Variants in ESCO1 observed in about 807,000 individuals in gnomAD.
The protein encoded by ESCO1 is N-acetyltransferase ESCO1.
In ESCO1, 33 loss-of-function variants were observed where a neutral mutation model predicts 83.5. That is an observed-to-expected ratio of 0.40 (90% CI 0.30 to 0.53). The LOEUF is 0.53. Among genes scored for constraint, ESCO1 ranks in the 20% least tolerant of loss-of-function variants. ESCO1 has a pLI of 0.63. For missense variants in ESCO1, 855 were observed against 968.0 expected (o/e 0.88, Z 1.55); for synonymous variants, 332 against 324.3 (o/e 1.02, Z -0.25).
rs530674515 is a variant in ESCO1, at chr18:21,575,761, A to G, written c.-677T>C. ...AAACCATTCCTTCTAATATGCTCTT[A>G]ACACATCACACAGCACCTGAAAGAA... On this transcript the variant is annotated 5_prime_UTR_variant, in exon 3 of 12. An upstream open reading frame in the 5' UTR loses its in-frame stop. Coordinates refer to ENST00000269214, the MANE Select transcript of ESCO1 (RefSeq NM_052911.3). The G allele has an allele frequency of 9.3e-4, 370 of 398,274 alleles. 1 individual carries two copies. The highest frequency in any genetic ancestry group is 1.4e-3 in the Non-Finnish European group (323 of 225,868). The allele number at this position is 398,274 out of a possible 1,614,324, so 24.7% of individuals were successfully genotyped here.
intron 5 of ESCO1, among the ~76,000 whole-genome samples, chr18:21,567,610 G>A (rs1273716114): frequency 6.6e-6 from 1 of 152,068 alleles, no homozygotes; most frequent in Non-Finnish European, 1.5e-5. Context: ...GAGTAAATAA[G>A]GGTTAAAGAT....
chr18:21,560,539 A>G (rs1424789537), intron 8 of ESCO1, among the ~76,000 whole-genome samples: 2 of 152,114 alleles, frequency 1.3e-5, no homozygotes, highest in Non-Finnish European at 2.9e-5. Flanking sequence ...TCAATAGTAA[A>G]TAATTATTGA....
chr18:21,578,269 C>T (rs1243516497), intron 2 of ESCO1, among the ~76,000 whole-genome samples: 2 of 151,982 alleles, frequency 1.3e-5, no homozygotes, highest in African/African-American at 4.8e-5. Context: ...AACAGATATA[C>T]AAGAACAGCA....
Position 21,573,731 on chromosome 18 carries a change from T to A in ESCO1, c.1113A>T (p.Thr371=). ...QCNRFFPSRK[T]KPVKCILNGI... is the part of the protein sequence containing the mutation. The stretch of plus-strand genomic sequence containing the variant: ...CATTTAGTATACATTTCACAGGCTT[T>A]GTTTTTCTACTTGGGAAAAAACGAT... The change falls in exon 4 of 12, where the codon ACA becomes ACT. Residue 371 remains threonine, a synonymous_variant. Coordinates refer to ENST00000269214, the MANE Select transcript of ESCO1 (RefSeq NM_052911.3). 1 of 1,614,198 alleles carries A rather than the reference T, an allele frequency of 6.2e-7. No homozygotes were observed. Among genetic ancestry groups the A allele is most frequent in the Non-Finnish European group, 8.5e-7 (1 of 1,180,028 alleles).
intron 8 of ESCO1, among the ~76,000 whole-genome samples, chr18:21,544,343 A>G (rs528287276): frequency 1.4e-4 from 22 of 152,180 alleles, no homozygotes. Context: ...ATGGTGGCTC[A>G]CACCTGTAAT....
intron 1 of ESCO1, among the ~76,000 whole-genome samples, chr18:21,597,741 CCT>C (rs1337977723): frequency 1.3e-5 from 2 of 151,952 alleles, no homozygotes; most frequent in South Asian, 2.1e-4. Flanking sequence ...TTTAATTTAC[CCT>C]CTGAGTTTTT....
intron 6 of ESCO1, among the ~76,000 whole-genome samples, chr18:21,565,508 A>T (rs1392336680): frequency 6.6e-6 from 1 of 152,246 alleles, no homozygotes; most frequent in African/African-American, 2.4e-5. Flanking sequence ...ACAAGTAAGC[A>T]AAGATACATG....
chr18:21,557,393 T>C (rs1248172457), intron 8 of ESCO1, among the ~76,000 whole-genome samples: 2 of 152,138 alleles, frequency 1.3e-5, no homozygotes, highest in East Asian at 1.9e-4. Flanking sequence ...TAGATGACTA[T>C]CTATGTTCAT....
chr18:21,535,362 A>C (rs1598975395), intron 10 of ESCO1, among the ~76,000 whole-genome samples: 1 of 148,210 alleles, frequency 6.7e-6, no homozygotes, highest in Admixed American at 6.8e-5. Flanking sequence ...TTACAGGTGC[A>C]CACCACCGCG....
At chr18:21,550,249 G>A (rs2038029129) in intron 8 of ESCO1, among the ~76,000 whole-genome samples, 2 of 152,052 alleles carry the variant, frequency 1.3e-5, no homozygotes, top group Admixed American at 6.6e-5. Context: ...GGGAGAACTG[G>A]GTCAGTTAAT....
intron 2 of ESCO1, among the ~76,000 whole-genome samples, chr18:21,576,741 T>G (rs1028813785): frequency 2.6e-5 from 4 of 151,588 alleles, no homozygotes; most frequent in African/African-American, 9.7e-5. Context: ...CGGATGAAAA[T>G]AGGACTCAAA....
intron 9 of ESCO1, 44 bp downstream of exon 9, chr18:21,539,876 A>C: frequency 6.5e-7 from 1 of 1,539,968 alleles, no homozygotes. Flanking sequence ...ATTAACTGCA[A>C]AATGATATTA....
At chr18:21,568,324 G>A (rs1240024223) in intron 4 of ESCO1, among the ~76,000 whole-genome samples, 1 of 152,080 alleles carries the variant, frequency 6.6e-6, no homozygotes, top group African/African-American at 2.4e-5. Context: ...GTGCATGCCT[G>A]TTGTCTCAGC....
At chr18:21,544,825 A>G (rs1427512784) in intron 8 of ESCO1, among the ~76,000 whole-genome samples, 1 of 152,194 alleles carries the variant, frequency 6.6e-6, no homozygotes, top group African/African-American at 2.4e-5. Flanking sequence ...CAAATTGCCT[A>G]TTGTCAAAAC....
In ESCO1 at chr18:21,574,862, T is replaced by G. The variant is rs545601690; in HGVS notation, c.-19A>C. 2 of 1,548,134 alleles carry G rather than the reference T, an allele frequency of 1.3e-6. No homozygotes were observed. The highest frequency in any genetic ancestry group is 2.2e-5 in the East Asian group (1 of 44,700). ...ACATCATTCCTGAGTAATGACTTTC[T>G]TTTCTGAGTAGTTTTGAAGAGGATT... On this transcript the variant is annotated 5_prime_UTR_variant, in exon 4 of 12. Transcript: ENST00000269214.
At chr18:21,560,163 A>C (rs2038164090) in intron 8 of ESCO1, among the ~76,000 whole-genome samples, 1 of 152,258 alleles carries the variant, frequency 6.6e-6, no homozygotes, top group South Asian at 2.1e-4. Context: ...ATGGGTAAAC[A>C]GCAATTCAAT....
intron 4 of ESCO1, among the ~76,000 whole-genome samples, chr18:21,571,836 T>C (rs1048127449): frequency 2.6e-5 from 4 of 152,216 alleles, no homozygotes; most frequent in African/African-American, 7.2e-5. Context: ...TTACTATCAC[T>C]GACTGGTAAA....
intron 5 of ESCO1, 95 bp from the exon 6 acceptor site, chr18:21,566,301 C>A (rs2038259337): frequency 9.2e-7 from 1 of 1,086,648 alleles, no homozygotes; most frequent in South Asian, 1.5e-5. Flanking sequence ...AAAAAACCTT[C>A]AATGCATTAA....
intron 1 of ESCO1, among the ~76,000 whole-genome samples, chr18:21,592,548 C>T (rs1301081615): frequency 8.6e-5 from 12 of 139,370 alleles, no homozygotes; most frequent in Admixed American, 7.8e-4. Flanking sequence ...GCTGGCCGGG[C>T]GGGGGGCTGA....
Sources: allele counts gnomAD v4.1 joint callset (sites outside exome capture counted in the v4.1 genomes callset), GRCh38; gene constraint gnomAD v4.1.1; transcripts MANE v1.5; gene names NCBI Gene and HGNC (gene_info 2026-07-23, HGNC 2026-07-21).